The following CHRM3 variants were observed in gnomAD, a reference collection of about 807,000 sequenced individuals.
CHRM3 encodes the protein muscarinic acetylcholine receptor M3.
In CHRM3, 11 loss-of-function variants were observed where a neutral mutation model predicts 41.8. The observed-to-expected ratio is 0.26, with a 90% CI of 0.17 to 0.44. CHRM3 has a LOEUF of 0.44. Among genes scored for constraint, CHRM3 ranks in the 20% least tolerant of loss-of-function variants. The pLI is 1.00. For synonymous variants in CHRM3, 297 were observed against 301.4 expected (o/e 0.99, Z 0.15); for missense variants, 571 against 745.4 (o/e 0.77, Z 2.72).
At chr1:239,627,884 A>G (rs1325308675) in intron 3 of CHRM3, among the ~76,000 whole-genome samples, 1 of 150,708 alleles carries the variant, frequency 6.6e-6, no homozygotes, top group South Asian at 2.1e-4. Context: ...TGTTAGTCTG[A>G]TGGGCTTTCC....
intron 2 of CHRM3, among the ~76,000 whole-genome samples, chr1:239,534,391 G>A (rs556532888): frequency 6.6e-6 from 1 of 152,152 alleles, no homozygotes; most frequent in Non-Finnish European, 1.5e-5. Context: ...TTTTCAAAGC[G>A]TATTCACAGA....
At chr1:239,532,160 T>C (rs1211178621) in intron 2 of CHRM3, among the ~76,000 whole-genome samples, 4 of 145,170 alleles carry the variant, frequency 2.8e-5, no homozygotes, top group African/African-American at 5.0e-5. Flanking sequence ...CTACAGGCGC[T>C]GCCACCACGC....
At chr1:239,523,073 A>G (rs1669763377) in intron 2 of CHRM3, among the ~76,000 whole-genome samples, 1 of 152,022 alleles carries the variant, frequency 6.6e-6, no homozygotes, top group Non-Finnish European at 1.5e-5. Flanking sequence ...GATTCTTCCC[A>G]CCTGTCTAAT....
intron 1 of CHRM3, among the ~76,000 whole-genome samples, chr1:239,438,718 T>C (rs1444044074): frequency 6.6e-6 from 1 of 152,152 alleles, no homozygotes; most frequent in Non-Finnish European, 1.5e-5. Flanking sequence ...TTTATGAAGG[T>C]GTGAATCCCT....
At chr1:239,460,079 G>A (rs946998562) in intron 1 of CHRM3, among the ~76,000 whole-genome samples, 1 of 152,100 alleles carries the variant, frequency 6.6e-6, no homozygotes, top group African/African-American at 2.4e-5. Flanking sequence ...GCTAATAAAT[G>A]GTCAAACTGA....
At chr1:239,449,603 A>G (rs1664414130) in intron 1 of CHRM3, among the ~76,000 whole-genome samples, 1 of 152,192 alleles carries the variant, frequency 6.6e-6, no homozygotes, top group Non-Finnish European at 1.5e-5. Flanking sequence ...AAATTTGCAG[A>G]TGGTTCCAAA....
Position 239,834,339 on chromosome 1 carries a change from G to C in CHRM3, c.-20+6961G>C, listed in dbSNP as rs564456798. Among the ~76,000 whole-genome samples, 35 of 132,488 alleles carry C rather than the reference G, an allele frequency of 2.6e-4. No homozygotes were observed. In the East Asian group the frequency reaches 7.3e-3, roughly 28 times the overall value. 86.9% of individuals were successfully genotyped at this position (132,488 alleles called of 152,430 possible). On this transcript the variant is annotated intron_variant, in intron 6 of 6. Coordinates refer to ENST00000676153, the MANE Select transcript of CHRM3 (RefSeq NM_001375978.1). ...TTTTTTTTTTTTTTTTTGAGACGGA[G>C]TCTCACCCTGTCCCCCAGGCTGGAG...
At chr1:239,475,297 A>G (rs1324896211) in intron 1 of CHRM3, among the ~76,000 whole-genome samples, 1 of 152,134 alleles carries the variant, frequency 6.6e-6, no homozygotes, top group Non-Finnish European at 1.5e-5. Context: ...ATTAATATTT[A>G]TATTGACATC....
intron 6 of CHRM3, chr1:239,886,712 T>C (rs1678101451): frequency 6.6e-6 from 1 of 152,244 alleles, no homozygotes; most frequent in South Asian, 2.1e-4. Flanking sequence ...TTAAGTTAGC[T>C]AAATCTAACA....
chr1:239,528,255 A>G (rs781200465), intron 2 of CHRM3, among the ~76,000 whole-genome samples: 13 of 152,280 alleles, frequency 8.5e-5, no homozygotes, highest in Non-Finnish European at 1.8e-4. Flanking sequence ...ATTTTTTCCT[A>G]TTAGTACCCT....
chr1:239,770,285 T>C (rs1344054259), intron 5 of CHRM3, among the ~76,000 whole-genome samples: 1 of 152,180 alleles, frequency 6.6e-6, no homozygotes, highest in Non-Finnish European at 1.5e-5. Flanking sequence ...ACAGTGTATG[T>C]GTTTGCAGAT....
At chr1:239,813,413 G>A (rs1558145420) in intron 5 of CHRM3, among the ~76,000 whole-genome samples, 1 of 152,144 alleles carries the variant, frequency 6.6e-6, no homozygotes. Context: ...GGACTAACTG[G>A]CTAAGTCCAT....
intron 2 of CHRM3, among the ~76,000 whole-genome samples, chr1:239,543,515 T>A (rs1658982990): frequency 7.0e-6 from 1 of 143,318 alleles, no homozygotes; most frequent in Admixed American, 6.9e-5. Context: ...TTTATTTTAT[T>A]TTTTTTTTTT....
At chr1:239,505,169 A>G (rs750575324) in intron 2 of CHRM3, among the ~76,000 whole-genome samples, 2 of 152,160 alleles carry the variant, frequency 1.3e-5, no homozygotes, top group Non-Finnish European at 1.5e-5. Flanking sequence ...TAGGGCTCAT[A>G]TAAGTTCTTG....
intron 6 of CHRM3, among the ~76,000 whole-genome samples, chr1:239,859,844 T>C (rs1675485422): frequency 7.0e-6 from 1 of 143,688 alleles, no homozygotes; most frequent in Admixed American, 7.1e-5. Context: ...TATATATATA[T>C]ATATATAGTC....
chr1:239,809,306 C>T (rs1160802213), intron 5 of CHRM3, among the ~76,000 whole-genome samples: 4 of 152,046 alleles, frequency 2.6e-5, no homozygotes. Flanking sequence ...AGGCGTGAGC[C>T]ACCGCACCCG....
At chr1:239,588,116 C>T (rs530220684) in intron 3 of CHRM3, among the ~76,000 whole-genome samples, 48 of 152,274 alleles carry the variant, frequency 3.2e-4, no homozygotes, top group African/African-American at 1.1e-3. Context: ...ATACATTATG[C>T]CATTTTCTAA....
chr1:239,819,820 G>T (rs1338339125), intron 5 of CHRM3, among the ~76,000 whole-genome samples: 1 of 152,164 alleles, frequency 6.6e-6, no homozygotes, highest in African/African-American at 2.4e-5. Flanking sequence ...TTTTCTTCCT[G>T]CCAGTCATCT....
chr1:239,821,341 A>G (rs1040658043), intron 5 of CHRM3, among the ~76,000 whole-genome samples: 1 of 152,230 alleles, frequency 6.6e-6, no homozygotes, highest in African/African-American at 2.4e-5. Context: ...ACTTCAGCAT[A>G]TGGGGTAGGT....
Sources: gnomAD v4.1 joint callset for allele counts (sites outside exome capture counted in the v4.1 genomes callset) on GRCh38, gnomAD v4.1.1 for gene constraint, MANE v1.5 for transcripts, NCBI Gene and HGNC (gene_info 2026-07-23, HGNC 2026-07-21) for gene names.